Variants in RCAN2 observed in about 807,000 individuals in gnomAD.
RCAN2 encodes regulator of calcineurin 2, also known as calcipressin-2.
In RCAN2, 9 loss-of-function variants were observed where a neutral mutation model predicts 23.6. That is an observed-to-expected ratio of 0.38 (90% CI 0.23 to 0.67). The LOEUF is 0.67. RCAN2 is among the 30% of genes least tolerant of loss of function. The probability of loss-of-function intolerance (pLI) is 0.51; values close to 1 mark genes in which losing one functional copy is unlikely to be tolerated. For missense variants in RCAN2, 273 were observed against 302.3 expected, an observed-to-expected ratio of 0.90 and a Z score of 0.72; for synonymous variants, 109 against 115.7, an observed-to-expected ratio of 0.94 and a Z score of 0.37.
chr6:46,415,542 C>T (rs1366933946), intron 2 of RCAN2, among the ~76,000 whole-genome samples: 1 of 151,984 alleles, frequency 6.6e-6, no homozygotes, highest in Non-Finnish European at 1.5e-5. Context: ...AAGTGAGAAC[C>T]ATTTGCATAA....
chr6:46,358,908 C>T (rs1764918860), intron 2 of RCAN2, among the ~76,000 whole-genome samples: 1 of 152,162 alleles, frequency 6.6e-6, no homozygotes, highest in African/African-American at 2.4e-5. Context: ...AATATGCAGC[C>T]AGGGTGGAGA....
chr6:46,246,655 A>C (rs1418656873), intron 4 of RCAN2, 93 bp downstream of exon 4: 4 of 1,001,862 alleles, frequency 4.0e-6, no homozygotes, highest in Admixed American at 2.1e-5. Context: ...TGCAGATGTT[A>C]CTGTGAACCC....
At chr6:46,402,850 G>T (rs956827984) in intron 2 of RCAN2, among the ~76,000 whole-genome samples, 8 of 152,172 alleles carry the variant, frequency 5.3e-5, no homozygotes, top group African/African-American at 1.7e-4. Context: ...TTTAATGTTT[G>T]TATGCCTTTC....
At chr6:46,298,492 G>C (rs1315042541) in intron 2 of RCAN2, among the ~76,000 whole-genome samples, 1 of 152,100 alleles carries the variant, frequency 6.6e-6, no homozygotes, top group East Asian at 1.9e-4. Context: ...ACAATGCGAT[G>C]TTACCAGTAC....
intron 1 of RCAN2, among the ~76,000 whole-genome samples, chr6:46,478,070 T>G (rs1768761709): frequency 6.6e-6 from 1 of 152,178 alleles, no homozygotes. Context: ...CATGAAATAT[T>G]CCAAGGATGC....
chr6:46,387,738 C>A (rs527704833), intron 2 of RCAN2, among the ~76,000 whole-genome samples: 1 of 152,054 alleles, frequency 6.6e-6, no homozygotes, highest in African/African-American at 2.4e-5. Context: ...TTTGACCCAG[C>A]GATCCCATTA....
chr6:46,455,009 A>C (rs533480238), intron 2 of RCAN2, among the ~76,000 whole-genome samples: 1 of 152,328 alleles, frequency 6.6e-6, no homozygotes, highest in African/African-American at 2.4e-5. Context: ...ACCCTCATTA[A>C]ATCTCTAAGG....
intron 2 of RCAN2, among the ~76,000 whole-genome samples, chr6:46,324,644 C>A (rs1763731148): frequency 6.6e-6 from 1 of 152,158 alleles, no homozygotes; most frequent in Admixed American, 6.5e-5. Flanking sequence ...GCAAGCCTGG[C>A]ATCTTCTCCA....
At chr6:46,313,859 G>T (rs1582094396) in intron 2 of RCAN2, among the ~76,000 whole-genome samples, 2 of 152,276 alleles carry the variant, frequency 1.3e-5, no homozygotes, top group African/African-American at 4.8e-5. Context: ...TAATATGTAA[G>T]AATTATTTAA....
chr6:46,230,272 G>A (rs1048107653), intron 4 of RCAN2, among the ~76,000 whole-genome samples: 9 of 152,180 alleles, frequency 5.9e-5, no homozygotes, highest in Non-Finnish European at 1.0e-4. Flanking sequence ...CTCCAACTCC[G>A]TGCTTGGAGA....
At chr6:46,252,486 T>C (rs972282801) in intron 2 of RCAN2, among the ~76,000 whole-genome samples, 2 of 152,218 alleles carry the variant, frequency 1.3e-5, no homozygotes, top group Non-Finnish European at 2.9e-5. Context: ...CTCTTTACAC[T>C]CTTAATAATT....
At chr6:46,250,823 G>T (rs1032431080) in intron 2 of RCAN2, among the ~76,000 whole-genome samples, 1 of 152,172 alleles carries the variant, frequency 6.6e-6, no homozygotes, top group African/African-American at 2.4e-5. Flanking sequence ...AGGCTCCACA[G>T]GAGGAGTAAC....
At chr6:46,442,351 C>G (rs958991259) in intron 2 of RCAN2, among the ~76,000 whole-genome samples, 1 of 152,200 alleles carries the variant, frequency 6.6e-6, no homozygotes, top group Non-Finnish European at 1.5e-5. Flanking sequence ...GGCTCCTGGC[C>G]CAGGAAGTGA....
intron 2 of RCAN2, among the ~76,000 whole-genome samples, chr6:46,319,435 G>A (rs1428363367): frequency 6.6e-6 from 1 of 152,046 alleles, no homozygotes; most frequent in Admixed American, 6.5e-5. Context: ...CTGACATTTA[G>A]GTTAGAGGTA....
intron 2 of RCAN2, among the ~76,000 whole-genome samples, chr6:46,388,233 C>T (rs1765823277): frequency 6.6e-6 from 1 of 151,282 alleles, no homozygotes; most frequent in South Asian, 2.1e-4. Flanking sequence ...GCACATGTAC[C>T]CTAGAACTTG....
At chr6:46,408,875 C>T (rs888411819) in intron 2 of RCAN2, among the ~76,000 whole-genome samples, 7 of 152,142 alleles carry the variant, frequency 4.6e-5, no homozygotes, top group African/African-American at 1.7e-4. Context: ...TTTACTCCTA[C>T]ACATTGTTCT....
chr6:46,226,487 A>G (rs1468866256), intron 4 of RCAN2, among the ~76,000 whole-genome samples: 1 of 152,104 alleles, frequency 6.6e-6, no homozygotes, highest in Non-Finnish European at 1.5e-5. Flanking sequence ...GTTCTTCTTG[A>G]AGAGGTCCTT....
chr6:46,331,810 C>T (rs1333624221), intron 2 of RCAN2, among the ~76,000 whole-genome samples: 1 of 152,120 alleles, frequency 6.6e-6, no homozygotes, highest in African/African-American at 2.4e-5. Flanking sequence ...ATTGATCATT[C>T]CATTTCAGAT....
intron 1 of RCAN2, among the ~76,000 whole-genome samples, chr6:46,471,184 T>C (rs956117903): frequency 2.6e-5 from 4 of 152,236 alleles, no homozygotes; most frequent in African/African-American, 7.2e-5. Flanking sequence ...GAGGACTTTT[T>C]GATTTTACCC....
Sources: gnomAD v4.1 joint callset for allele counts (sites outside exome capture counted in the v4.1 genomes callset) on GRCh38, gnomAD v4.1.1 for gene constraint, MANE v1.5 for transcripts, NCBI Gene and HGNC (gene_info 2026-07-23, HGNC 2026-07-21) for gene names.